Variants in GPATCH1 observed in about 807,000 individuals in gnomAD.
GPATCH1 encodes G-patch domain containing 1, also known as G patch domain-containing protein 1.
In GPATCH1, 73 loss-of-function variants were observed where a neutral mutation model predicts 114.9. The ratio of observed to expected loss-of-function variants is 0.64; its 90% CI spans 0.53 to 0.77. The LOEUF (loss-of-function observed/expected upper bound fraction) is 0.77, where lower values mean the gene tolerates loss of function less well. GPATCH1 is among the 30% of genes least tolerant of loss of function. The pLI is 0.00. For missense variants in GPATCH1, 1,058 were observed against 1,144.3 expected (o/e 0.92, Z 1.09); for synonymous variants, 391 against 428.4 (o/e 0.91, Z 1.08).
At chr19:33,097,319 G>C (rs906964714) in intron 7 of GPATCH1, among the ~76,000 whole-genome samples, 1 of 152,050 alleles carries the variant, frequency 6.6e-6, no homozygotes, top group Admixed American at 6.6e-5. Context: ...GCTCCTTTCC[G>C]CAGAGAGTAG....
intron 1 of GPATCH1, among the ~76,000 whole-genome samples, chr19:33,082,806 C>A (rs1972492611): frequency 6.6e-6 from 1 of 151,906 alleles, no homozygotes; most frequent in African/African-American, 2.4e-5. Flanking sequence ...ATCCCAAGTT[C>A]TTTTTTTATA....
chr19:33,121,015 A>G (rs562809198), intron 17 of GPATCH1, among the ~76,000 whole-genome samples: 1 of 151,690 alleles, frequency 6.6e-6, no homozygotes, highest in Non-Finnish European at 1.5e-5. Flanking sequence ...TAATTAATTT[A>G]AAAAAAATTA....
In GPATCH1 at chr19:33,125,207, G is replaced by A. The variant is rs748590276; in HGVS notation, c.2619+5G>A. 10 of 1,587,002 alleles carry A rather than the reference G, an allele frequency of 6.3e-6. No individual in the cohort carries two copies. Among genetic ancestry groups the A allele is most frequent in the Non-Finnish European group, 8.6e-6 (10 of 1,167,008 alleles). ...CACAGGCGGAAGAAAGAGAAGGTGA[G>A]AGACTTGTGTGTACCCCAGGATCAG... On this transcript the variant is annotated splice_donor_5th_base_variant and intron_variant, in intron 18 of 19. Transcript: ENST00000170564.
intron 6 of GPATCH1, 90 bp downstream of exon 6, chr19:33,095,910 T>C (rs1249931453): frequency 1.1e-6 from 1 of 928,834 alleles, no homozygotes; most frequent in Non-Finnish European, 1.8e-6. Flanking sequence ...ATTTTAGAAA[T>C]CAGATCCAAT....
chr19:33,111,507 G>T (rs76068011), intron 11 of GPATCH1, among the ~76,000 whole-genome samples: 3 of 151,796 alleles, frequency 2.0e-5, no homozygotes, highest in Non-Finnish European at 2.9e-5. Flanking sequence ...TTACAGGCAT[G>T]AACAACTGCG....
intron 9 of GPATCH1, among the ~76,000 whole-genome samples, chr19:33,106,161 TA>T (rs201760910): frequency 6.6e-6 from 1 of 151,980 alleles, no homozygotes; most frequent in African/African-American, 2.4e-5. Context: ...AACTATTATT[TA>T]AAAAAATTTT....
At chr19:33,097,961 G>A in intron 8 of GPATCH1, 59 bp downstream of exon 8, 5 of 1,520,270 alleles carry the variant, frequency 3.3e-6, no homozygotes, top group Middle Eastern at 4.1e-4. Flanking sequence ...CAGGAAGGAG[G>A]GGCTGCAAGA....
chr19:33,105,253 G>A (rs1972770195), intron 9 of GPATCH1, among the ~76,000 whole-genome samples: 1 of 151,606 alleles, frequency 6.6e-6, no homozygotes, highest in Admixed American at 6.6e-5. Flanking sequence ...CCAACATGGT[G>A]AAACCCCGTC....
chr19:33,112,061 G>A lies in GPATCH1; in HGVS notation c.1764+159G>A, dbSNP rs547103265. 3.9e-5 allele frequency among the ~76,000 whole-genome samples: 6 copies of A among 152,248 alleles called. No individual in the cohort carries two copies. The South Asian group carries it at 6.2e-4, about 16-fold the overall frequency. On this transcript the variant is annotated intron_variant, in intron 12 of 19. Coordinates refer to ENST00000170564, the MANE Select transcript of GPATCH1 (RefSeq NM_018025.3). ...GCTCACTGCAGCCTCCGCTTCCTGG[G>A]TTCAAGCGATTCTCCTGCCTCAGCC...
intron 1 of GPATCH1, among the ~76,000 whole-genome samples, chr19:33,085,965 C>A (rs1599848683): frequency 6.6e-6 from 1 of 152,262 alleles, no homozygotes; most frequent in Non-Finnish European, 1.5e-5. Flanking sequence ...AGAATAGCAC[C>A]AAGCACTGGC....
Position 33,121,005 on chromosome 19 carries a change from T to A in GPATCH1, c.2521+1888T>A, listed in dbSNP as rs375073233. Among the ~76,000 whole-genome samples, 110 of 149,888 alleles carry A rather than the reference T, an allele frequency of 7.3e-4. No individual in the cohort carries two copies. In the East Asian group the frequency reaches 8.6e-3, roughly 12 times the overall value. On this transcript the variant is annotated intron_variant, in intron 17 of 19. Coordinates refer to ENST00000170564, the MANE Select transcript of GPATCH1 (RefSeq NM_018025.3). Reference sequence around the variant, plus strand: ...ACTCCGTCTCAAAAAATAAATAAATTAATTAATTTAAAAAAAATTAAAAAA... The same window carrying A: ...ACTCCGTCTCAAAAAATAAATAAATAAATTAATTTAAAAAAAATTAAAAAA...
intron 17 of GPATCH1, 107 bp from the exon 18 acceptor site, chr19:33,124,998 C>A: frequency 2.6e-6 from 3 of 1,174,060 alleles, no homozygotes; most frequent in Non-Finnish European, 3.6e-6. Context: ...CAGTGTTAAA[C>A]ATTCCATCTA....
rs911986252 is a variant in GPATCH1 at position 33,102,514 on chromosome 19, A to T, written c.1080+940A>T. Among the ~76,000 whole-genome samples the T allele has an allele frequency of 2.7e-5, 4 of 148,260 alleles. No individual in the cohort carries two copies. The Admixed American group carries it at 2.7e-4, about 10-fold the overall frequency. ...CAAATTCAAGCGATTCTCCTGCCTC[A>T]TCCTCCTGAGTAGCTGGGATTACAG... On this transcript the variant is annotated intron_variant, in intron 9 of 19. Transcript: ENST00000170564.
chr19:33,121,538 C>T (rs185513476), intron 17 of GPATCH1, among the ~76,000 whole-genome samples: 31 of 152,074 alleles, frequency 2.0e-4, no homozygotes, highest in African/African-American at 7.0e-4. Context: ...AGGCTGGTCT[C>T]GAACTCCTGA....
chr19:33,128,985 C>T (rs772001395), intron 19 of GPATCH1, among the ~76,000 whole-genome samples: 1 of 152,188 alleles, frequency 6.6e-6, no homozygotes. Context: ...CGGTATCTCA[C>T]GTCTGTAATC....
intron 1 of GPATCH1, among the ~76,000 whole-genome samples, chr19:33,081,910 G>C (rs1024870278): frequency 8.5e-6 from 1 of 118,200 alleles, no homozygotes; most frequent in Non-Finnish European, 1.8e-5. Flanking sequence ...GTTTTGCTCT[G>C]TTTCCCAGGC....
At chr19:33,114,900 C>T (rs891985192) in intron 15 of GPATCH1, among the ~76,000 whole-genome samples, 1 of 149,866 alleles carries the variant, frequency 6.7e-6, no homozygotes, top group African/African-American at 2.5e-5. Flanking sequence ...CCTCCCCTCC[C>T]GGGTTCAAGT....
At chr19:33,100,011 T>A (rs1351758853) in intron 8 of GPATCH1, among the ~76,000 whole-genome samples, 1 of 151,904 alleles carries the variant, frequency 6.6e-6, no homozygotes, top group Non-Finnish European at 1.5e-5. Context: ...CCTCAGGTGA[T>A]CCGCCCGCCT....
intron 11 of GPATCH1, among the ~76,000 whole-genome samples, chr19:33,110,567 A>T (rs2145327056): frequency 6.6e-6 from 1 of 152,196 alleles, no homozygotes; most frequent in Admixed American, 6.5e-5. Context: ...TTGTTTTTTA[A>T]AAACAGATCT....
Sources: allele counts gnomAD v4.1 joint callset (sites outside exome capture counted in the v4.1 genomes callset), GRCh38; gene constraint gnomAD v4.1.1; transcripts MANE v1.5; gene names NCBI Gene and HGNC (gene_info 2026-07-23, HGNC 2026-07-21).